JRK: variants seen among roughly 807,000 people sequenced by gnomAD.
The protein encoded by JRK is jerky protein homolog.
For missense variants in JRK, 720 were observed against 509.2 expected (o/e 1.41, Z -3.98); for synonymous variants, 303 against 218.1 (o/e 1.39, Z -3.43).
Position 142,658,934 on chromosome 8 carries a change from C to G in JRK, c.*5418G>C. 6.2e-7 allele frequency: 1 copy of G among 1,613,098 alleles called. No homozygotes were observed. Among genetic ancestry groups the G allele is most frequent in the Non-Finnish European group, 8.5e-7 (1 of 1,179,542 alleles). On this transcript the variant is annotated 3_prime_UTR_variant, in exon 2 of 2. Coordinates refer to ENST00000612905, the MANE Select transcript of JRK (RefSeq NM_003724.4). ...TGAGGTCACTACCACATCCTCAAGG[C>G]CCACAGTCTCCTGAAACAACAGAAC...
the JRK span, among the ~76,000 whole-genome samples, chr8:142,649,573 C>T: frequency 6.6e-6 from 1 of 152,202 alleles, no homozygotes; most frequent in African/African-American, 2.4e-5. Flanking sequence ...AACTGTAACT[C>T]CATTAAACCT....
In JRK at chr8:142,658,104, C is replaced by T. The variant is rs587716833; in HGVS notation, c.*6248G>A. The T allele has an allele frequency of 2.0e-5, 3 of 152,396 alleles. No homozygotes were observed. Among genetic ancestry groups the T allele is most frequent in the African/African-American group, 7.2e-5 (3 of 41,572 alleles). The allele number at this position is 152,396 out of a possible 1,614,324, so 9.4% of individuals were successfully genotyped here. ...ACCTTAACAATAGGTGCATGTTTTA[C>T]TCATTCCAAGTCCCCCAGGGGCCTG... On this transcript the variant is annotated 3_prime_UTR_variant, in exon 2 of 2. Coordinates refer to ENST00000612905, the MANE Select transcript of JRK (RefSeq NM_003724.4).
At chr8:142,652,193 C>T in the JRK span, among the ~76,000 whole-genome samples, 1 of 152,076 alleles carries the variant, frequency 6.6e-6, no homozygotes, top group African/African-American at 2.4e-5. Context: ...GTCAGAGGCA[C>T]CTCCACTCAG....
At position 142,661,298 on chromosome 8, in the gene JRK, A is replaced by C; in HGVS notation, c.*3054T>G. ...GAAGGGGCTGAAAGACCACCTACCC[A>C]TCCTAACCCCTGAATTCACCATGCC... is the stretch of plus-strand genomic sequence containing the variant. On this transcript the variant is annotated 3_prime_UTR_variant, in exon 2 of 2. Coordinates refer to ENST00000612905, the MANE Select transcript of JRK (RefSeq NM_003724.4). 1 of 985,450 alleles carries C rather than the reference A, an allele frequency of 1.0e-6. No individual in the cohort carries two copies. Among genetic ancestry groups the C allele is most frequent in the Non-Finnish European group, 1.2e-6 (1 of 829,958 alleles). 61.0% of individuals were successfully genotyped at this position (985,450 alleles called of 1,614,324 possible).
intron 1 of JRK, among the ~76,000 whole-genome samples, chr8:142,669,162 TAG>T (rs1491135224): frequency 1.8e-5 from 2 of 110,174 alleles, no homozygotes; most frequent in African/African-American, 3.6e-5. Flanking sequence ...CGCAGGGGCA[TAG>T]TGTGTGTGTG....
Position 142,659,415 on chromosome 8 carries a change from A to G in JRK, c.*4937T>C, listed in dbSNP as rs2129693507. On this transcript the variant is annotated 3_prime_UTR_variant, in exon 2 of 2. Coordinates refer to ENST00000612905, the MANE Select transcript of JRK (RefSeq NM_003724.4). ...GCCTGTGTGGGACGGGGCTACCTGCAGACATAGAGGGCCTTTGAGCACCTC... is the reference window on the plus strand; with the variant it reads ...GCCTGTGTGGGACGGGGCTACCTGCGGACATAGAGGGCCTTTGAGCACCTC... The G allele has an allele frequency of 3.0e-6, 3 of 987,066 alleles. No individual in the cohort carries two copies. The highest frequency in any genetic ancestry group is 3.6e-6 in the Non-Finnish European group (3 of 830,970). The allele number at this position is 987,066 out of a possible 1,614,324, so 61.1% of individuals were successfully genotyped here. A position where few individuals can be genotyped will look rare whatever the true frequency, so the allele number is the denominator to read the frequency against.
rs185806419 is a variant in JRK at position 142,659,402 on chromosome 8, C to T, written c.*4950G>A. ...CCCAACGATCCTCGCCTGTGTGGGACGGGGCTACCTGCAGACATAGAGGGC... is the reference window on the plus strand; with the variant it reads ...CCCAACGATCCTCGCCTGTGTGGGATGGGGCTACCTGCAGACATAGAGGGC... On this transcript the variant is annotated 3_prime_UTR_variant, in exon 2 of 2. Transcript: ENST00000612905. 42 of 987,390 alleles carry T rather than the reference C, an allele frequency of 4.3e-5. No individual in the cohort carries two copies. The highest frequency in any genetic ancestry group is 1.1e-4 in the East Asian group (1 of 8,850). 61.2% of individuals were successfully genotyped at this position (987,390 alleles called of 1,614,324 possible).
chr8:142,662,532 G>C lies in JRK; in HGVS notation c.*1820C>G. ...GCGGGTGACACCACAAAGACAATGG[G>C]ACACAAATGGGAACTGGGACTGTCG... On this transcript the variant is annotated 3_prime_UTR_variant, in exon 2 of 2. Transcript: ENST00000612905. The C allele has an allele frequency of 1.2e-5, 12 of 985,442 alleles. No homozygotes were observed. The highest frequency in any genetic ancestry group is 1.4e-5 in the Non-Finnish European group (12 of 829,950). 61.0% of individuals were successfully genotyped at this position (985,442 alleles called of 1,614,324 possible). A position where few individuals can be genotyped will look rare whatever the true frequency, so the allele number is the denominator to read the frequency against.
chr8:142,654,729 C>A (rs1053184635), downstream of JRK, among the ~76,000 whole-genome samples: 4 of 151,892 alleles, frequency 2.6e-5, no homozygotes, highest in Non-Finnish European at 5.9e-5. Context: ...TGCCCAGGCG[C>A]CCTGCCCAAG....
Position 142,660,032 on chromosome 8 carries a change from A to G in JRK, c.*4320T>C, listed in dbSNP as rs1846867852. The G allele has an allele frequency of 8.1e-6, 8 of 985,948 alleles. No homozygotes were observed. The highest frequency in any genetic ancestry group is 9.6e-6 in the Non-Finnish European group (8 of 830,394). The allele number at this position is 985,948 out of a possible 1,614,324, so 61.1% of individuals were successfully genotyped here. On this transcript the variant is annotated 3_prime_UTR_variant, in exon 2 of 2. Coordinates refer to ENST00000612905, the MANE Select transcript of JRK (RefSeq NM_003724.4). ...CGTGTGGGGCTGGGAGCTGGGGCTC[A>G]TGTGGGAGGCTGGTGGCTGCCATGG... is the stretch of plus-strand genomic sequence containing the variant.
chr8:142,647,182 A>G, the JRK span, among the ~76,000 whole-genome samples: 1 of 152,210 alleles, frequency 6.6e-6, no homozygotes, highest in Admixed American at 6.5e-5. Flanking sequence ...CTCTAGACAG[A>G]GCCCACACTG....
downstream of JRK, among the ~76,000 whole-genome samples, chr8:142,652,462 C>T (rs77558277): frequency 0.043 from 6,563 of 152,216 alleles, 150 homozygotes; most frequent in Non-Finnish European, 0.053. Flanking sequence ...CAGGGGCTTC[C>T]AGGTCATAGG....
the JRK span, among the ~76,000 whole-genome samples, chr8:142,651,539 TC>T: frequency 4.0e-5 from 4 of 100,798 alleles, no homozygotes; most frequent in African/African-American, 1.2e-4. Flanking sequence ...CAAAAATCAA[TC>T]TTTTTTTTTT....
At chr8:142,669,438 T>C (rs932623061) in intron 1 of JRK, among the ~76,000 whole-genome samples, 62 of 152,184 alleles carry the variant, frequency 4.1e-4, no homozygotes, top group African/African-American at 1.3e-3. Context: ...GCTGGGCTAC[T>C]GGCGAGGCTC....
chr8:142,655,025 G>A (rs377520489), downstream of JRK, among the ~76,000 whole-genome samples: 6 of 152,114 alleles, frequency 3.9e-5, no homozygotes, highest in South Asian at 2.1e-4. Flanking sequence ...CTCCTATGGC[G>A]GCTTCAAGGG....
At position 142,666,322 on chromosome 8, in the gene JRK, T is replaced by G; in HGVS notation, c.-264A>C. 5.2e-6 allele frequency: 3 copies of G among 579,250 alleles called. No individual in the cohort carries two copies. The highest frequency in any genetic ancestry group is 3.2e-6 in the Non-Finnish European group (1 of 316,320). 35.9% of individuals were successfully genotyped at this position (579,250 alleles called of 1,614,324 possible). ...TCCTGGCAGTGCAGTCAGCTGCCAA[T>G]TCTCTCTGTGGAGGAGGTGACCCTG... On this transcript the variant is annotated 5_prime_UTR_variant, in exon 2 of 2. Transcript: ENST00000612905.
At chr8:142,645,619 G>T in the JRK span, among the ~76,000 whole-genome samples, 1 of 152,016 alleles carries the variant, frequency 6.6e-6, no homozygotes, top group Non-Finnish European at 1.5e-5. Flanking sequence ...GGCGGAGCTT[G>T]CAGTGAGCCA....
In JRK at chr8:142,665,455, C is replaced by A; in HGVS notation, c.604G>T (p.Glu202Ter). The part of the protein sequence containing the change: ...FWRCLPNPTP[E>*]GGAVPGPKQG... ...TTGGGGCCAGGCACAGCCCCGCCTT[C>A]CGGAGTGGGATTTGGCAGGCACCGC... is the stretch of plus-strand genomic sequence containing the variant. The change falls in exon 2 of 2, where the codon GAA (glutamate) becomes TAA (stop). Residue 202 changes from glutamate to a stop codon, truncating the protein, a stop_gained. Coordinates refer to ENST00000612905, the MANE Select transcript of JRK (RefSeq NM_003724.4). LOFTEE classifies it low-confidence loss of function (END_TRUNC). 1.4e-6 allele frequency: 1 copy of A among 717,950 alleles called. No individual in the cohort carries two copies. Among genetic ancestry groups the A allele is most frequent in the Non-Finnish European group, 2.6e-6 (1 of 385,094 alleles). 44.5% of individuals were successfully genotyped at this position (717,950 alleles called of 1,614,324 possible).
the JRK span, among the ~76,000 whole-genome samples, chr8:142,650,378 T>A: frequency 2.0e-4 from 31 of 152,294 alleles, no homozygotes; most frequent in African/African-American, 7.5e-4. Context: ...TGTGAGGACA[T>A]GAGATTTGGG....
Sources: gnomAD v4.1 joint callset for allele counts (sites outside exome capture counted in the v4.1 genomes callset) on GRCh38, gnomAD v4.1.1 for gene constraint, MANE v1.5 for transcripts, NCBI Gene and HGNC (gene_info 2026-07-23, HGNC 2026-07-21) for gene names.